The following SYNE2 variants were observed in gnomAD, a reference collection of about 807,000 sequenced individuals.
SYNE2 encodes the protein spectrin repeat containing nuclear envelope protein 2.
In SYNE2, 431 loss-of-function variants were observed where a neutral mutation model predicts 856.3. The ratio of observed to expected loss-of-function variants is 0.50; its 90% confidence interval spans 0.47 to 0.55. SYNE2 has a LOEUF of 0.55. Among genes scored for constraint, SYNE2 ranks in the 20% least tolerant of loss-of-function variants. The probability of loss-of-function intolerance (pLI) is 0.00; values close to 1 mark genes in which losing one functional copy is unlikely to be tolerated. For synonymous variants in SYNE2, 2,923 were observed against 2,872.3 expected (o/e 1.02, Z -0.56); for missense variants, 8,129 against 8,023.2 (o/e 1.01, Z -0.50).
intron 53 of SYNE2, among the ~76,000 whole-genome samples, chr14:64,075,044 C>T (rs192184340): frequency 6.6e-6 from 1 of 152,256 alleles, no homozygotes; most frequent in Admixed American, 6.5e-5. Context: ...CTTATTAAAC[C>T]CCATCTTTGA....
intron 89 of SYNE2, among the ~76,000 whole-genome samples, chr14:64,164,983 G>A (rs1045568878): frequency 2.6e-5 from 4 of 151,992 alleles, no homozygotes; most frequent in African/African-American, 9.7e-5. Flanking sequence ...GACCTCCCAG[G>A]TTCAGTTGAT....
At chr14:64,047,840 A>G (rs2097197203) in intron 45 of SYNE2, among the ~76,000 whole-genome samples, 160 bp from the exon 46 acceptor site, 1 of 152,242 alleles carries the variant, frequency 6.6e-6, no homozygotes. Flanking sequence ...CAACATAGGC[A>G]TTATTATATG....
chr14:63,810,095 C>T (rs1332743251), intron 1 of SYNE2, among the ~76,000 whole-genome samples: 1 of 152,008 alleles, frequency 6.6e-6, no homozygotes, highest in African/African-American at 2.4e-5. Context: ...TGGGATGGTA[C>T]ATGCCTTTAG....
chr14:64,028,702 C>T (rs576476913), intron 43 of SYNE2, among the ~76,000 whole-genome samples: 1 of 152,278 alleles, frequency 6.6e-6, no homozygotes, highest in East Asian at 1.9e-4. Context: ...TAAGATTTTT[C>T]AGGCATCTCT....
chr14:63,804,319 G>T (rs1888273278), intron 1 of SYNE2, among the ~76,000 whole-genome samples: 1 of 151,860 alleles, frequency 6.6e-6, no homozygotes, highest in African/African-American at 2.4e-5. Flanking sequence ...TGGGTTGTCC[G>T]TTTACTCTGT....
chr14:64,204,976 T>C (rs1004379086), intron 100 of SYNE2, among the ~76,000 whole-genome samples: 2 of 152,156 alleles, frequency 1.3e-5, no homozygotes, highest in Non-Finnish European at 2.9e-5. Context: ...ACATGCGCCT[T>C]CTTCTGCCTT....
At position 64,065,602 on chromosome 14, in the gene SYNE2, G is replaced by T; in HGVS notation, c.10383G>T (p.Glu3461Asp). 6.2e-7 allele frequency: 1 copy of T among 1,614,210 alleles called. No individual in the cohort carries two copies. The stretch of plus-strand genomic sequence containing the variant: ...TGCTGGAAGCTGCTAAAGAGTGGGA[G>T]ATGTGGTGCGAAGAACTGAAGCAGG... ...LSLLEAAKEW[E>D]MWCEELKQEW... Residue 3461 changes from glutamate (E) to aspartate (D), a missense_variant, in exon 51 of 116, where the codon GAG becomes GAT. Transcript: ENST00000555002.
At position 64,025,154 on chromosome 14, in the gene SYNE2, A is replaced by G. The variant is rs754628340; in HGVS notation, c.5985A>G (p.Gln1995=). The change falls in exon 41 of 116, where the codon CAA becomes CAG. Residue 1995 remains glutamine (Q), a synonymous_variant. Transcript: ENST00000555002. ...RKREQFESVA[Q]LNNSLKEYGF... The stretch of plus-strand genomic sequence containing the variant: ...GGGAACAGTTTGAATCTGTGGCCCA[A>G]TTGAACAACTCTTTGAAGGAATATG... 1.3e-5 allele frequency: 21 copies of G among 1,614,018 alleles called. No individual in the cohort carries two copies. In the Admixed American group the frequency reaches 2.0e-4, roughly 15 times the overall value.
At chr14:64,082,373 A>G (rs2097531149) in intron 57 of SYNE2, among the ~76,000 whole-genome samples, 1 of 152,134 alleles carries the variant, frequency 6.6e-6, no homozygotes, top group South Asian at 2.1e-4. Flanking sequence ...TATAATACTT[A>G]CATTCCAAAA....
intron 1 of SYNE2, among the ~76,000 whole-genome samples, chr14:63,833,881 T>A (rs1488706529): frequency 1.3e-5 from 2 of 150,226 alleles, no homozygotes; most frequent in African/African-American, 2.4e-5. Context: ...GATTTTTTTT[T>A]AATGTGTCTG....
intron 80 of SYNE2, among the ~76,000 whole-genome samples, chr14:64,140,331 C>T (rs2098129480): frequency 1.3e-5 from 2 of 152,182 alleles, no homozygotes; most frequent in Non-Finnish European, 2.9e-5. Flanking sequence ...CGCCTGTAAT[C>T]CCAGCACTTT....
At chr14:63,836,263 A>G (rs1172150941) in intron 1 of SYNE2, among the ~76,000 whole-genome samples, 2 of 152,188 alleles carry the variant, frequency 1.3e-5, no homozygotes, top group Admixed American at 6.5e-5. Flanking sequence ...GGCTCATGCA[A>G]TCTGCCCATC....
chr14:64,057,469 G>A (rs2097281667), intron 49 of SYNE2, among the ~76,000 whole-genome samples: 2 of 151,832 alleles, frequency 1.3e-5, no homozygotes, highest in Admixed American at 1.3e-4. Context: ...TTTTTTAATG[G>A]CTAAATAATA....
rs1364959793 is a variant in SYNE2 at position 64,025,013 on chromosome 14, A to C, written c.5942A>C (p.Gln1981Pro). ...GGGGAGAAAACTGAGCTGTTCTGCC[A>C]AGCTTTAGCTAGAAAGAGGTATAGC... Reference protein sequence around the residue: ...EPGEKTELFCQALARKREQFE... With the variant: ...EPGEKTELFCPALARKREQFE... The change falls in exon 40 of 116, where the codon CAA (glutamine) becomes CCA (proline). Residue 1981 changes from glutamine (Q) to proline (P), a missense_variant. Coordinates refer to ENST00000555002, the MANE Select transcript of SYNE2 (RefSeq NM_182914.3). The C allele has an allele frequency of 4.3e-6, 7 of 1,614,132 alleles. No individual in the cohort carries two copies. Among genetic ancestry groups the C allele is most frequent in the East Asian group, 2.2e-5 (1 of 44,852 alleles).
chr14:64,220,466 G>T lies in SYNE2; in HGVS notation c.19890G>T (p.Lys6630Asn), dbSNP rs781112631. ...TACTGAAAGCCTTTGACACTTACAAGGCATTAGTGGTCTCTGTCAACGTGA... is the reference window on the plus strand; with the variant it reads ...TACTGAAAGCCTTTGACACTTACAATGCATTAGTGGTCTCTGTCAACGTGA... The part of the protein sequence containing the change: ...QEILKAFDTY[K>N]ALVVSVNVSS... The change falls in exon 111 of 116, where the codon AAG becomes AAT. Residue 6630 changes from lysine to asparagine, a missense_variant. Physicochemically the swap from Lys to Asn is moderately conservative, Grantham distance 94. Around this residue, in one of 3 missense-constraint regions of SYNE2, gnomAD observed 5,410 missense variants for 5,284.8 expected, o/e 1.02. Transcript: ENST00000555002. 4 of 1,614,208 alleles carry T rather than the reference G, an allele frequency of 2.5e-6. No individual in the cohort carries two copies. The highest frequency in any genetic ancestry group is 3.4e-6 in the Non-Finnish European group (4 of 1,180,042).
intron 1 of SYNE2, among the ~76,000 whole-genome samples, chr14:63,820,939 C>T (rs373278242): frequency 6.6e-6 from 1 of 151,902 alleles, no homozygotes; most frequent in African/African-American, 2.4e-5. Flanking sequence ...TTAGTAGAGA[C>T]GGGGTTTCAC....
At chr14:63,782,381 T>C (rs903182190) in intron 1 of SYNE2, among the ~76,000 whole-genome samples, 5 of 141,278 alleles carry the variant, frequency 3.5e-5, no homozygotes, top group Non-Finnish European at 7.5e-5. Flanking sequence ...GGCTGGAGAA[T>C]CACCTGAACC....
intron 42 of SYNE2, 140 bp from the exon 43 acceptor site, chr14:64,027,344 C>G: frequency 1.7e-6 from 1 of 582,988 alleles, no homozygotes; most frequent in Non-Finnish European, 3.0e-6. Context: ...TTACAGTGTT[C>G]TAATATCAAA....
intron 1 of SYNE2, among the ~76,000 whole-genome samples, chr14:63,899,184 G>C (rs937383276): frequency 1.3e-5 from 2 of 151,878 alleles, no homozygotes; most frequent in African/African-American, 4.8e-5. Flanking sequence ...AGGTTTTTTA[G>C]CTTTGGAAGT....
Sources: allele counts gnomAD v4.1 joint callset (sites outside exome capture counted in the v4.1 genomes callset), GRCh38; gene constraint gnomAD v4.1.1; regional missense constraint gnomAD v4.1.1; transcripts MANE v1.5; gene names NCBI Gene and HGNC (gene_info 2026-07-23, HGNC 2026-07-21).